The following NCALD variants were observed in gnomAD, a reference collection of about 807,000 sequenced individuals.
NCALD encodes neurocalcin delta.
In NCALD, 10 loss-of-function variants were observed where a neutral mutation model predicts 18.6. That is an observed-to-expected ratio of 0.54 (90% CI 0.33 to 0.91). NCALD has a LOEUF of 0.91. NCALD is among the 40% of genes least tolerant of loss of function. The pLI, the probability that NCALD is intolerant of heterozygous loss-of-function variation, is 0.03. For synonymous variants in NCALD, 88 were observed against 87.4 expected (o/e 1.01, Z -0.04); for missense variants, 184 against 247.6 (o/e 0.74, Z 1.72).
chr8:101,767,868 G>A (rs549974036), intron 1 of NCALD, among the ~76,000 whole-genome samples: 16 of 152,284 alleles, frequency 1.1e-4, no homozygotes, highest in African/African-American at 3.8e-4. Flanking sequence ...TTCACTCCTG[G>A]TGTTTGTTCT....
chr8:101,956,101 T>C (rs542989574), intron 2 of NCALD, among the ~76,000 whole-genome samples: 2 of 152,252 alleles, frequency 1.3e-5, no homozygotes, highest in South Asian at 4.2e-4. Flanking sequence ...TTTCTATAAG[T>C]TTGAAATTAT....
At chr8:102,029,551 G>A (rs1413983665) in intron 1 of NCALD, among the ~76,000 whole-genome samples, 1 of 152,208 alleles carries the variant, frequency 6.6e-6, no homozygotes, top group Non-Finnish European at 1.5e-5. Flanking sequence ...TCTTGTGGGT[G>A]ATTCTGTTTC....
At position 102,095,551 on chromosome 8, in the gene NCALD, A is replaced by G. The variant is rs990638941; in HGVS notation, c.-210+28686T>C. Among the ~76,000 whole-genome samples, 52 of 152,342 alleles carry G rather than the reference A, an allele frequency of 3.4e-4. 1 individual carries two copies. Among genetic ancestry groups the G allele is most frequent in the African/African-American group, 1.2e-3 (51 of 41,584 alleles). On this transcript the variant is annotated intron_variant, in intron 1 of 6. Transcript: ENST00000311028. ...TTATATTTTATACAATGCCAAGGACATTGTTAGTGGGTTCATTAAAAGGTT... is the reference window on the plus strand; with the variant it reads ...TTATATTTTATACAATGCCAAGGACGTTGTTAGTGGGTTCATTAAAAGGTT...
intron 4 of NCALD, among the ~76,000 whole-genome samples, chr8:101,855,973 A>T (rs59573144): frequency 6.6e-6 from 1 of 152,130 alleles, no homozygotes; most frequent in Non-Finnish European, 1.5e-5. Context: ...ACACTCATAC[A>T]TCTTGCTGTG....
At chr8:101,744,069 A>G (rs537269034) in intron 1 of NCALD, among the ~76,000 whole-genome samples, 2 of 152,332 alleles carry the variant, frequency 1.3e-5, no homozygotes, top group Admixed American at 6.5e-5. Context: ...CGAACCAAAG[A>G]CAGATCGACA....
At chr8:101,704,715 C>T (rs1815425617) in intron 2 of NCALD, among the ~76,000 whole-genome samples, 1 of 146,418 alleles carries the variant, frequency 6.8e-6, no homozygotes, top group Non-Finnish European at 1.5e-5. Context: ...GTCAGGAGTT[C>T]AAGACCAGCC....
intron 4 of NCALD, among the ~76,000 whole-genome samples, chr8:101,800,840 TGGGGA>T (rs1360630757): frequency 8.6e-5 from 5 of 57,934 alleles, no homozygotes; most frequent in East Asian, 1.2e-3. Context: ...AGAGGAGAGG[TGGGGA>T]GGGGAGGGGA....
chr8:102,024,522 C>T (rs1206781168), intron 1 of NCALD, among the ~76,000 whole-genome samples: 4 of 152,166 alleles, frequency 2.6e-5, no homozygotes, highest in South Asian at 2.1e-4. Context: ...AAAACACCAT[C>T]GATTGTCCAA....
intron 1 of NCALD, among the ~76,000 whole-genome samples, chr8:102,046,752 A>G (rs1008601263): frequency 2.6e-5 from 4 of 151,044 alleles, no homozygotes; most frequent in Non-Finnish European, 5.9e-5. Context: ...GTACTGGGAT[A>G]ACAGGCTTGA....
In NCALD at chr8:102,053,436, G is replaced by A. The variant is rs920530625; in HGVS notation, c.-209-33147C>T. ...TTAAGTAGGAAGAGAGGTGCTATGA[G>A]TAACACCGCTTGACCACGTACCATA... On this transcript the variant is annotated intron_variant, in intron 1 of 6. Coordinates refer to the NCALD transcript ENST00000311028. 3.9e-5 allele frequency among the ~76,000 whole-genome samples: 6 copies of A among 152,148 alleles called. No individual in the cohort carries two copies. In the East Asian group the frequency reaches 1.2e-3, roughly 29 times the overall value.
At chr8:101,742,932 T>C (rs7831072) in intron 1 of NCALD, among the ~76,000 whole-genome samples, 5,266 of 152,250 alleles carry the variant, frequency 0.035, 192 homozygotes, top group African/African-American at 0.092. Flanking sequence ...TGTTTGGTTT[T>C]CTATTCCTGT....
chr8:102,003,581 A>T (rs1821567767), intron 2 of NCALD, among the ~76,000 whole-genome samples: 1 of 152,216 alleles, frequency 6.6e-6, no homozygotes, highest in Non-Finnish European at 1.5e-5. Context: ...CAACAAAAAG[A>T]GAATTTTAGA....
chr8:101,888,919 C>T (rs542258386), intron 3 of NCALD, among the ~76,000 whole-genome samples: 23 of 152,288 alleles, frequency 1.5e-4, no homozygotes, highest in African/African-American at 5.5e-4. Flanking sequence ...GTTGCCTATC[C>T]AATAACAAGT....
chr8:101,799,129 T>C (rs77749052), intron 4 of NCALD, among the ~76,000 whole-genome samples: 2,413 of 151,970 alleles, frequency 0.016, 57 homozygotes, highest in African/African-American at 0.055. Context: ...AACTAGAGAA[T>C]AGACAAAAGA....
intron 2 of NCALD, among the ~76,000 whole-genome samples, chr8:101,922,674 C>G (rs1487327796): frequency 2.6e-5 from 4 of 152,168 alleles, no homozygotes; most frequent in Non-Finnish European, 5.9e-5. Context: ...CAGTACAATA[C>G]AGTTGTGCCC....
At chr8:101,690,297 G>C in intron 3 of NCALD, 4 of 985,298 alleles carry the variant, frequency 4.1e-6, no homozygotes, top group Non-Finnish European at 4.8e-6. Flanking sequence ...GCCCCTGGGA[G>C]TGAAGTGACA....
chr8:101,729,300 G>A (rs1186605641), intron 1 of NCALD, among the ~76,000 whole-genome samples: 1 of 152,114 alleles, frequency 6.6e-6, no homozygotes, highest in African/African-American at 2.4e-5. Context: ...TTAAAAGAGG[G>A]AGAATTAAAG....
intron 4 of NCALD, among the ~76,000 whole-genome samples, chr8:101,827,147 T>C (rs1378069028): frequency 6.6e-6 from 1 of 152,182 alleles, no homozygotes; most frequent in African/African-American, 2.4e-5. Context: ...TCTTTCAGAT[T>C]CTGGTGGCTG....
At chr8:101,870,776 G>A (rs984402693) in intron 4 of NCALD, among the ~76,000 whole-genome samples, 1 of 152,114 alleles carries the variant, frequency 6.6e-6, no homozygotes, top group South Asian at 2.1e-4. Flanking sequence ...TGGCCCACAG[G>A]TCAGCCTCTA....
Sources: gnomAD v4.1 joint callset for allele counts (sites outside exome capture counted in the v4.1 genomes callset) on GRCh38, gnomAD v4.1.1 for gene constraint, MANE v1.5 for transcripts, NCBI Gene and HGNC (gene_info 2026-07-23, HGNC 2026-07-21) for gene names.